USP40: variants seen among roughly 807,000 people sequenced by gnomAD.
USP40 encodes ubiquitin specific peptidase 40.
In USP40, 143 loss-of-function variants were observed where a neutral mutation model predicts 166.2. The ratio of observed to expected loss-of-function variants is 0.86; its 90% CI spans 0.75 to 0.99. USP40 has a LOEUF of 0.99. Ranked by LOEUF, USP40 falls within the 50% of genes least tolerant of loss-of-function variation. The pLI is 0.00. For synonymous variants in USP40, 498 were observed against 524.0 expected, an observed-to-expected ratio of 0.95 and a Z score of 0.68; for missense variants, 1,444 against 1,479.7, an observed-to-expected ratio of 0.98 and a Z score of 0.40.
At chr2:233,542,008 T>C (rs965134684) in intron 9 of USP40, among the ~76,000 whole-genome samples, 1 of 152,206 alleles carries the variant, frequency 6.6e-6, no homozygotes, top group Non-Finnish European at 1.5e-5. Context: ...TCTGGCCTAC[T>C]TATACTTTTT....
At chr2:233,549,280 T>C in intron 7 of USP40, 51 bp from the exon 8 acceptor site, 1 of 1,158,430 alleles carries the variant, frequency 8.6e-7, no homozygotes, top group South Asian at 1.8e-5. Context: ...AAAATGCTGA[T>C]AATAATCAAA....
rs536744959 is a variant in USP40 at position 233,553,736 on chromosome 2, T to C, written c.693+644A>G. 6.6e-5 allele frequency among the ~76,000 whole-genome samples: 10 copies of C among 152,328 alleles called. No individual in the cohort carries two copies. In the South Asian group the frequency reaches 1.0e-3, roughly 16 times the overall value. ...ACAGGAATGGCTACTGATATATGAA[T>C]GTGATGAATAAATTTGAGAAATGTC... is the stretch of plus-strand genomic sequence containing the variant. On this transcript the variant is annotated intron_variant, in intron 6 of 31. Coordinates refer to ENST00000678225, the MANE Select transcript of USP40 (RefSeq NM_001365479.2).
At chr2:233,487,436 T>C (rs2065016427) in intron 28 of USP40, among the ~76,000 whole-genome samples, 1 of 152,238 alleles carries the variant, frequency 6.6e-6, no homozygotes. Context: ...TCCACACCAT[T>C]TGATCCTGGA....
intron 21 of USP40, among the ~76,000 whole-genome samples, chr2:233,507,411 T>C (rs1385262202): frequency 6.6e-6 from 1 of 152,076 alleles, no homozygotes; most frequent in East Asian, 1.9e-4. Flanking sequence ...CGCCAAGATA[T>C]CAAATCAACC....
intron 22 of USP40, 58 bp from the exon 23 acceptor site, chr2:233,498,670 G>T (rs2065884830): frequency 2.8e-6 from 4 of 1,417,884 alleles, no homozygotes; most frequent in Admixed American, 1.8e-5. Context: ...GACGTTGCGT[G>T]TAACTTCTAG....
chr2:233,487,742 G>T, intron 28 of USP40: 1 of 224,926 alleles, frequency 4.4e-6, no homozygotes, highest in Non-Finnish European at 9.0e-6. Flanking sequence ...CTATGACATG[G>T]GCACAATTAC....
At chr2:233,546,411 C>G (rs571478924) in intron 8 of USP40, 1 of 152,252 alleles carries the variant, frequency 6.6e-6, no homozygotes, top group East Asian at 1.9e-4. Flanking sequence ...ATATTTTATG[C>G]ATCAAAAAAC....
chr2:233,550,288 A>C (rs1330650980), intron 7 of USP40, among the ~76,000 whole-genome samples: 1 of 152,182 alleles, frequency 6.6e-6, no homozygotes, highest in African/African-American at 2.4e-5. Context: ...AAGTAAAATG[A>C]ATGTGGACTT....
intron 6 of USP40, 72 bp downstream of exon 6, chr2:233,554,308 C>G: frequency 7.0e-7 from 1 of 1,429,074 alleles, no homozygotes; most frequent in African/African-American, 1.5e-5. Flanking sequence ...ATCCTCGAGA[C>G]TTTTTCATAC....
intron 22 of USP40, among the ~76,000 whole-genome samples, 199 bp downstream of exon 22, chr2:233,499,680 C>T (rs906944035): frequency 6.6e-6 from 1 of 152,136 alleles, no homozygotes; most frequent in African/African-American, 2.4e-5. Context: ...AAATTCTCTA[C>T]TCAGAGCTAT....
At chr2:233,512,860 G>T (rs1291962689) in intron 18 of USP40, 1 of 239,486 alleles carries the variant, frequency 4.2e-6, no homozygotes, top group African/African-American at 2.3e-5. Flanking sequence ...GTTTTGTGCA[G>T]TAGTGCAAGA....
chr2:233,562,010 C>CAAATG (rs1243611236), intron 3 of USP40, among the ~76,000 whole-genome samples: 1 of 126,224 alleles, frequency 7.9e-6, no homozygotes, highest in Non-Finnish European at 1.6e-5. Flanking sequence ...CAAATCAAAA[C>CAAATG]CACAATGAGA....
At chr2:233,500,054 T>G in intron 21 of USP40, 139 bp from the exon 22 acceptor site, 1 of 639,936 alleles carries the variant, frequency 1.6e-6, no homozygotes, top group East Asian at 3.0e-5. Flanking sequence ...TAGACATAGT[T>G]AAGAAGATAA....
intron 3 of USP40, 69 bp from the exon 4 acceptor site, chr2:233,559,993 G>T: frequency 9.3e-7 from 1 of 1,077,952 alleles, no homozygotes; most frequent in East Asian, 2.8e-5. Flanking sequence ...GAAAACAACT[G>T]CATACTAGCT....
intron 21 of USP40, among the ~76,000 whole-genome samples, chr2:233,502,555 G>A (rs1210947979): frequency 5.9e-5 from 9 of 152,120 alleles, no homozygotes; most frequent in Non-Finnish European, 8.8e-5. Context: ...CAGAGAGAGC[G>A]CTGCACAGCT....
Position 233,510,140 on chromosome 2 carries a change from TAAC to T in USP40, c.2527-8_2527-6del. 1 of 1,589,962 alleles carries T rather than the reference TAAC, an allele frequency of 6.3e-7. No individual in the cohort carries two copies. The highest frequency in any genetic ancestry group is 8.6e-7 in the Non-Finnish European group (1 of 1,164,490). ...CATTGCAAAAAACAGGAACAACTAA[TAAC>T]AAGACAGATGTGTAAATGCAATTTA... On this transcript the variant is annotated splice_polypyrimidine_tract_variant and splice_region_variant and intron_variant, in intron 20 of 31. Coordinates refer to ENST00000678225, the MANE Select transcript of USP40 (RefSeq NM_001365479.2).
chr2:233,509,963 C>T, intron 21 of USP40, 86 bp downstream of exon 21: 1 of 1,088,744 alleles, frequency 9.2e-7, no homozygotes, highest in Non-Finnish European at 1.4e-6. Context: ...TTAGGACCTC[C>T]AAATCTTAAC....
intron 7 of USP40, among the ~76,000 whole-genome samples, chr2:233,549,827 G>T (rs987937858): frequency 1.3e-5 from 2 of 151,900 alleles, no homozygotes; most frequent in African/African-American, 4.8e-5. Flanking sequence ...AGTGGAAGAG[G>T]TTCTTTCTTG....
intron 18 of USP40, among the ~76,000 whole-genome samples, chr2:233,518,499 G>A (rs903999568): frequency 2.7e-5 from 4 of 150,582 alleles, no homozygotes; most frequent in Admixed American, 6.6e-5. Flanking sequence ...CCTGGGAGAC[G>A]GAGGTTGCAG....
Sources: gnomAD v4.1 joint callset for allele counts (sites outside exome capture counted in the v4.1 genomes callset) on GRCh38, gnomAD v4.1.1 for gene constraint, MANE v1.5 for transcripts, NCBI Gene and HGNC (gene_info 2026-07-23, HGNC 2026-07-21) for gene names.